The following YWHAZ variants were observed in gnomAD, a reference collection of about 807,000 sequenced individuals.
The protein encoded by YWHAZ is tyrosine 3-monooxygenase/tryptophan 5-monooxygenase activation protein zeta, also known as 14-3-3 protein zeta/delta.
For missense variants in YWHAZ, 79 were observed against 284.8 expected, an observed-to-expected ratio of 0.28 and a Z score of 5.20; for synonymous variants, 87 against 103.6, an observed-to-expected ratio of 0.84 and a Z score of 0.97.
intron 2 of YWHAZ, among the ~76,000 whole-genome samples, chr8:100,938,988 G>A (rs1814412435): frequency 2.6e-5 from 4 of 152,220 alleles, no homozygotes; most frequent in African/African-American, 9.6e-5. Context: ...CTATAAGCAG[G>A]CTTGTGCCTA....
intron 1 of YWHAZ, chr8:100,951,234 C>T (rs546413625): frequency 2.0e-6 from 2 of 985,136 alleles, no homozygotes; most frequent in East Asian, 2.3e-4. Flanking sequence ...CCCCGGTCTA[C>T]CTGGCGGGCG....
rs558941871 is a variant in YWHAZ at position 100,939,673 on chromosome 8, A to AT, written c.294+8922dup. On this transcript the variant is annotated intron_variant, in intron 2 of 5. Transcript: ENST00000395958. ...AAACTCCATCTCAAAAAAAATAAAA[A>AT]TAAAAAAAGGAACATCTGAAAACAA... is the stretch of plus-strand genomic sequence containing the variant. Among the ~76,000 whole-genome samples the AT allele has an allele frequency of 4.2e-3, 631 of 151,984 alleles. 4 individuals are homozygous for AT. The highest frequency in any genetic ancestry group is 0.014 in the African/African-American group (587 of 41,436).
intron 1 of YWHAZ, chr8:100,951,132 G>T (rs1030282303): frequency 4.2e-5 from 41 of 980,878 alleles, no homozygotes; most frequent in Non-Finnish European, 4.8e-5. Flanking sequence ...TCCCACCGCG[G>T]AGCCCAGGAA....
At position 100,924,436 on chromosome 8, in the gene YWHAZ, C is replaced by CT. The variant is rs992416626; in HGVS notation, c.419-139dup. On this transcript the variant is annotated intron_variant, in intron 3 of 5. Transcript: ENST00000395958. The surrounding 1 kb of genome is among the most constrained non-coding windows in gnomAD (Gnocchi z 5.7). The stretch of plus-strand genomic sequence containing the variant: ...TAATATTTGTTAATTGAACAAGGTC[C>CT]TTTTTTTTTTTTAAAGGGAGCTTTC... The CT allele has an allele frequency of 0.04, 26,266 of 658,794 alleles. 7 individuals carry two copies. The highest frequency in any genetic ancestry group is 0.047 in the East Asian group (1,277 of 27,360). 40.8% of individuals were successfully genotyped at this position (658,794 alleles called of 1,614,324 possible). A position where few individuals can be genotyped will look rare whatever the true frequency, so the allele number is the denominator to read the frequency against.
At chr8:100,928,486 C>T (rs186718692) in intron 2 of YWHAZ, among the ~76,000 whole-genome samples, 2 of 152,284 alleles carry the variant, frequency 1.3e-5, no homozygotes, top group Non-Finnish European at 2.9e-5. Flanking sequence ...AATCCCAGCA[C>T]TTTGGGAGGC....
In YWHAZ at chr8:100,948,097, AAG is replaced by A. The variant is rs748469100; in HGVS notation, c.294+497_294+498del. The A allele has an allele frequency of 1.4e-5, 21 of 1,534,810 alleles. No individual in the cohort carries two copies. Among genetic ancestry groups the A allele is most frequent in the Admixed American group, 9.9e-5 (5 of 50,688 alleles). On this transcript the variant is annotated intron_variant, in intron 2 of 5. Coordinates refer to ENST00000395958, the MANE Select transcript of YWHAZ (RefSeq NM_145690.3). This position sits in a 1 kb window ranked among gnomAD's most constrained non-coding sequence, Gnocchi z 4.2. ...TTTACCTTCAAGAATTCAATGCAGG[AAG>A]AGGTTTCATAGTTGTGACGCCAGAG...
chr8:100,951,557 G>T, intron 1 of YWHAZ: 1 of 985,472 alleles, frequency 1.0e-6, no homozygotes, highest in Non-Finnish European at 1.2e-6. Flanking sequence ...AGAGACAAGG[G>T]TGGGGATGGA....
intron 2 of YWHAZ, among the ~76,000 whole-genome samples, chr8:100,938,872 T>G (rs1250036296): frequency 6.6e-6 from 1 of 152,264 alleles, no homozygotes; most frequent in Non-Finnish European, 1.5e-5. Context: ...AACTAATTTA[T>G]TAAGTCTTTT....
intron 2 of YWHAZ, among the ~76,000 whole-genome samples, chr8:100,942,104 A>C (rs1361131351): frequency 1.3e-5 from 2 of 152,240 alleles, no homozygotes; most frequent in Admixed American, 6.5e-5. Context: ...GTCAAAAGAA[A>C]TCCACAAGAG....
intron 2 of YWHAZ, among the ~76,000 whole-genome samples, chr8:100,947,693 T>C (rs1401472695): frequency 6.6e-6 from 1 of 152,210 alleles, no homozygotes; most frequent in Non-Finnish European, 1.5e-5. Flanking sequence ...GTTCATATAG[T>C]AAGTAACAAA....
At chr8:100,925,301 T>C (rs951482312) in intron 2 of YWHAZ, among the ~76,000 whole-genome samples, 3 of 152,214 alleles carry the variant, frequency 2.0e-5, no homozygotes, top group Non-Finnish European at 4.4e-5. Flanking sequence ...GACAATGTTA[T>C]CTATTTACAT....
At chr8:100,951,720 G>C (rs1001874082) in intron 1 of YWHAZ, 1 of 985,382 alleles carries the variant, frequency 1.0e-6, no homozygotes, top group Non-Finnish European at 1.2e-6. Context: ...CGATGCGGAA[G>C]CAAGGAGCCG....
chr8:100,929,078 T>C (rs1041621868), intron 2 of YWHAZ, among the ~76,000 whole-genome samples: 2 of 152,182 alleles, frequency 1.3e-5, no homozygotes, highest in African/African-American at 4.8e-5. Flanking sequence ...CTGTTTCTTT[T>C]AAAAAAATTT....
chr8:100,919,031 C>T lies in YWHAZ; in HGVS notation c.*1662G>A, dbSNP rs1308636712. The stretch of plus-strand genomic sequence containing the variant: ...GGTTTTAAAGGGAGATAAACACAGT[C>T]TCATCAACTAAGGAGAGATTTGCTG... On this transcript the variant is annotated 3_prime_UTR_variant, in exon 6 of 6. Coordinates refer to ENST00000395958, the MANE Select transcript of YWHAZ (RefSeq NM_145690.3). The T allele has an allele frequency of 6.6e-6, 1 of 152,196 alleles. No individual in the cohort carries two copies. Among genetic ancestry groups the T allele is most frequent in the Non-Finnish European group, 1.5e-5 (1 of 68,038 alleles). The allele number at this position is 152,196 out of a possible 1,614,324, so 9.4% of individuals were successfully genotyped here. A position where few individuals can be genotyped will look rare whatever the true frequency, so the allele number is the denominator to read the frequency against.
chr8:100,931,090 C>T (rs1813726718), intron 2 of YWHAZ, among the ~76,000 whole-genome samples: 1 of 152,032 alleles, frequency 6.6e-6, no homozygotes, highest in Admixed American at 6.6e-5. Context: ...TCTACTGCAC[C>T]GTAGTATAAT....
chr8:100,948,021 A>C lies in YWHAZ; in HGVS notation c.294+575T>G. ...TAAAATACTCGATTCAAACTGGAAA[A>C]TCAAGCTTGAGTTGTTCATAACCTT... On this transcript the variant is annotated intron_variant, in intron 2 of 5. Coordinates refer to ENST00000395958, the MANE Select transcript of YWHAZ (RefSeq NM_145690.3). The surrounding 1 kb of genome is among the most constrained non-coding windows in gnomAD (Gnocchi z 4.2). 1 of 1,325,728 alleles carries C rather than the reference A, an allele frequency of 7.5e-7. No individual in the cohort carries two copies. Among genetic ancestry groups the C allele is most frequent in the Non-Finnish European group, 1.0e-6 (1 of 970,570 alleles). The allele number at this position is 1,325,728 out of a possible 1,614,324, so 82.1% of individuals were successfully genotyped here.
At chr8:100,937,909 T>A (rs1814275424) in intron 2 of YWHAZ, among the ~76,000 whole-genome samples, 1 of 152,226 alleles carries the variant, frequency 6.6e-6, no homozygotes, top group Admixed American at 6.5e-5. Context: ...GGCAGGAGGA[T>A]GACCTGAGGT....
Position 100,948,755 on chromosome 8 carries a change from T to G in YWHAZ, c.135A>C (p.Ser45=), listed in dbSNP as rs1443448281. Residue 45 remains serine, a synonymous_variant, in exon 2 of 6, where the codon TCA becomes TCC. Transcript: ENST00000395958. This position sits in a 1 kb window ranked among gnomAD's most constrained non-coding sequence, Gnocchi z 4.2. ...CTCCTACAACATTTTTATAAGCAACTGAGAGAAGATTCCTCTCCTCATTGG... is the reference window on the plus strand; with the variant it reads ...CTCCTACAACATTTTTATAAGCAACGGAGAGAAGATTCCTCTCCTCATTGG... The part of the protein sequence containing the change: ...ELSNEERNLL[S]VAYKNVVGAR... 1 of 1,599,662 alleles carries G rather than the reference T, an allele frequency of 6.3e-7. No homozygotes were observed. The highest frequency in any genetic ancestry group is 1.7e-5 in the Admixed American group (1 of 59,980).
In YWHAZ at chr8:100,916,847, G is replaced by A. The variant is rs1674349053; in HGVS notation, c.*3846C>T. 2.0e-5 allele frequency: 3 copies of A among 152,176 alleles called. No individual in the cohort carries two copies. Among genetic ancestry groups the A allele is most frequent in the Admixed American group, 2.0e-4 (3 of 15,282 alleles). 9.4% of individuals were successfully genotyped at this position (152,176 alleles called of 1,614,324 possible). The stretch of plus-strand genomic sequence containing the variant: ...TGAAAAGGAACTAGAATCAATCAAG[G>A]AGACTGTGACTACTACCAGTCACAT... On this transcript the variant is annotated 3_prime_UTR_variant, in exon 6 of 6. Transcript: ENST00000395958.
Sources: gnomAD v4.1 joint callset for allele counts (sites outside exome capture counted in the v4.1 genomes callset) on GRCh38, gnomAD v4.1.1 for gene constraint, Gnocchi (gnomAD v3.1) non-coding constraint, MANE v1.5 for transcripts, NCBI Gene and HGNC (gene_info 2026-07-23, HGNC 2026-07-21) for gene names.